The following NRXN3 variants were observed in gnomAD, a reference collection of about 807,000 sequenced individuals.
NRXN3 encodes neurexin 3.
A neutral mutation model predicts 137.6 loss-of-function variants in NRXN3; 32 were observed. That is an observed-to-expected ratio of 0.23 (90% CI 0.18 to 0.31). The LOEUF (loss-of-function observed/expected upper bound fraction) is 0.31. NRXN3 is among the 10% of genes least tolerant of loss of function. The pLI, the probability that NRXN3 is intolerant of heterozygous loss-of-function variation, is 1.00. For synonymous variants in NRXN3, 798 were observed against 784.5 expected (o/e 1.02, Z -0.29); for missense variants, 1,574 against 2,062.5 (o/e 0.76, Z 4.59).
intron 16 of NRXN3, among the ~76,000 whole-genome samples, chr14:79,635,889 GA>G (rs2098400131): frequency 6.6e-6 from 1 of 152,024 alleles, no homozygotes. Flanking sequence ...CCAAAGGGGG[GA>G]AATGGCCCTT....
intron 4 of NRXN3, among the ~76,000 whole-genome samples, chr14:78,393,058 T>G (rs781101650): frequency 5.3e-5 from 8 of 152,150 alleles, no homozygotes; most frequent in Non-Finnish European, 1.2e-4. Context: ...AGCTCTAGAT[T>G]TTTCACTAAT....
chr14:79,444,312 C>G (rs1162697327), intron 15 of NRXN3, among the ~76,000 whole-genome samples: 5 of 152,170 alleles, frequency 3.3e-5, no homozygotes, highest in Non-Finnish European at 7.3e-5. Context: ...ATGTCCCTCC[C>G]TTCTCTTATG....
At chr14:79,519,652 A>C (rs1266541981) in intron 16 of NRXN3, among the ~76,000 whole-genome samples, 3 of 151,944 alleles carry the variant, frequency 2.0e-5, no homozygotes, top group African/African-American at 7.2e-5. Context: ...ATTACATTCG[A>C]CCCAAGAATT....
intron 4 of NRXN3, among the ~76,000 whole-genome samples, chr14:78,458,521 G>A (rs578029071): frequency 1.3e-5 from 2 of 152,112 alleles, no homozygotes; most frequent in South Asian, 2.1e-4. Flanking sequence ...TATTCTTCAC[G>A]TTTCCTCCTG....
chr14:78,537,934 A>G (rs1256367464), intron 4 of NRXN3, among the ~76,000 whole-genome samples: 6 of 151,950 alleles, frequency 3.9e-5, no homozygotes, highest in African/African-American at 1.2e-4. Context: ...GTGTAGTGTT[A>G]TTTCTGAGGC....
At chr14:79,385,210 C>CCCCCCCCCCCCCCCCCCCCT (rs374801208) in intron 15 of NRXN3, among the ~76,000 whole-genome samples, 2 of 112,318 alleles carry the variant, frequency 1.8e-5, no homozygotes, top group African/African-American at 3.1e-5. Flanking sequence ...TCCTTCCCCC[C>CCCCCCCCCCCCCCCCCCCCT]GCCCCCACCC....
intron 1 of NRXN3, among the ~76,000 whole-genome samples, chr14:78,233,624 C>T (rs535641009): frequency 4.5e-5 from 6 of 132,562 alleles, no homozygotes; most frequent in Admixed American, 3.4e-4. Flanking sequence ...GTTCACTAGA[C>T]AAAATTCTAT....
At chr14:78,661,976 A>G (rs2097845881) in intron 6 of NRXN3, among the ~76,000 whole-genome samples, 1 of 149,042 alleles carries the variant, frequency 6.7e-6, no homozygotes, top group Admixed American at 6.8e-5. Flanking sequence ...TGCACCCTCC[A>G]CCAATTCTCA....
At chr14:78,291,699 C>T (rs943966543) in intron 3 of NRXN3, among the ~76,000 whole-genome samples, 2 of 152,126 alleles carry the variant, frequency 1.3e-5, no homozygotes, top group African/African-American at 2.4e-5. Context: ...TCTGATTTTG[C>T]GTAATTACTC....
intron 6 of NRXN3, among the ~76,000 whole-genome samples, chr14:78,687,641 GC>G (rs199917005): frequency 0.01 from 1,531 of 152,278 alleles, 29 homozygotes; most frequent in African/African-American, 0.035. Flanking sequence ...TGGTGGCTTT[GC>G]TTTGTTTATT....
At chr14:78,365,263 G>A (rs961215492) in intron 4 of NRXN3, among the ~76,000 whole-genome samples, 7 of 152,160 alleles carry the variant, frequency 4.6e-5, no homozygotes, top group African/African-American at 1.7e-4. Flanking sequence ...ATGTGGATGT[G>A]CATTAGTTGG....
chr14:79,047,298 G>A (rs2099634537), intron 15 of NRXN3, among the ~76,000 whole-genome samples: 1 of 152,094 alleles, frequency 6.6e-6, no homozygotes, highest in African/African-American at 2.4e-5. Flanking sequence ...TAATTGGGAT[G>A]TATCATCAAT....
chr14:79,772,524 G>C (rs1367284383), intron 19 of NRXN3, among the ~76,000 whole-genome samples: 1 of 152,124 alleles, frequency 6.6e-6, no homozygotes, highest in Non-Finnish European at 1.5e-5. Flanking sequence ...CAAGTAATGG[G>C]GAAAGGATTC....
intron 10 of NRXN3, among the ~76,000 whole-genome samples, chr14:78,830,842 T>C (rs1410756605): frequency 6.6e-6 from 1 of 152,190 alleles, no homozygotes. Flanking sequence ...GTTTCCATTT[T>C]ATATGCCACA....
intron 4 of NRXN3, among the ~76,000 whole-genome samples, chr14:78,625,309 T>C (rs765548311): frequency 2.0e-5 from 3 of 152,354 alleles, no homozygotes; most frequent in East Asian, 3.9e-4. Context: ...AGATAAGCCA[T>C]GGGACTTGCT....
At chr14:79,015,618 C>G (rs1201997269) in intron 15 of NRXN3, among the ~76,000 whole-genome samples, 1 of 152,136 alleles carries the variant, frequency 6.6e-6, no homozygotes, top group Non-Finnish European at 1.5e-5. Flanking sequence ...GGACTTTTCT[C>G]CATTCTAAGG....
chr14:79,219,167 G>A (rs77481677), intron 15 of NRXN3, among the ~76,000 whole-genome samples: 4,222 of 152,218 alleles, frequency 0.028, 168 homozygotes, highest in South Asian at 0.086. Context: ...TGTGCCCCAC[G>A]CTGGAATGCA....
At chr14:79,459,848 T>A (rs2096305510) in intron 15 of NRXN3, among the ~76,000 whole-genome samples, 1 of 152,058 alleles carries the variant, frequency 6.6e-6, no homozygotes, top group African/African-American at 2.4e-5. Context: ...TTATGAAAAT[T>A]CCTTTAAGCA....
intron 6 of NRXN3, among the ~76,000 whole-genome samples, chr14:78,666,839 G>A (rs879893578): frequency 2.0e-5 from 3 of 152,046 alleles, no homozygotes; most frequent in Non-Finnish European, 4.4e-5. Context: ...AACATCCAGT[G>A]CCCAGCAAAG....
Sources: allele counts gnomAD v4.1 joint callset (sites outside exome capture counted in the v4.1 genomes callset), GRCh38; gene constraint gnomAD v4.1.1; transcripts MANE v1.5; gene names NCBI Gene and HGNC (gene_info 2026-07-23, HGNC 2026-07-21).